The following HACD2 variants were observed in gnomAD, a reference collection of about 807,000 sequenced individuals.
The protein encoded by HACD2 is very-long-chain (3R)-3-hydroxyacyl-CoA dehydratase 2.
In HACD2, 15 loss-of-function variants were observed where a neutral mutation model predicts 31.0. The ratio of observed to expected loss-of-function variants is 0.48; its 90% CI spans 0.32 to 0.75. The LOEUF (loss-of-function observed/expected upper bound fraction) is 0.75. HACD2 is among the 30% of genes least tolerant of loss of function. The pLI is 0.03. For missense variants in HACD2, 283 were observed against 313.0 expected, an observed-to-expected ratio of 0.90 and a Z score of 0.72; for synonymous variants, 115 against 122.2, an observed-to-expected ratio of 0.94 and a Z score of 0.39.
chr3:123,548,394 T>G (rs2056583384), intron 3 of HACD2, among the ~76,000 whole-genome samples: 1 of 152,120 alleles, frequency 6.6e-6, no homozygotes, highest in Admixed American at 6.6e-5. Context: ...CAGTCCAGTC[T>G]GCAGATGACT....
chr3:123,503,657 A>C (rs900326883), intron 4 of HACD2, among the ~76,000 whole-genome samples: 3 of 151,656 alleles, frequency 2.0e-5, no homozygotes, highest in Admixed American at 6.6e-5. Flanking sequence ...TTGTGCTTGA[A>C]AATCAGCAAG....
chr3:123,580,590 C>T (rs996266014), intron 2 of HACD2, among the ~76,000 whole-genome samples: 6 of 152,066 alleles, frequency 3.9e-5, no homozygotes, highest in African/African-American at 1.2e-4. Flanking sequence ...TTGAGACCAG[C>T]CTGGGCAACA....
chr3:123,499,694 G>C, intron 6 of HACD2: 1 of 454,660 alleles, frequency 2.2e-6, no homozygotes, highest in Non-Finnish European at 4.4e-6. Flanking sequence ...AAGATTCAGA[G>C]TTACAGTGGT....
At chr3:123,570,917 TACACACACACACAC>T (rs149856963) in intron 2 of HACD2, among the ~76,000 whole-genome samples, 3 of 144,762 alleles carry the variant, frequency 2.1e-5, no homozygotes, top group African/African-American at 7.7e-5. Flanking sequence ...TTCATACCAT[TACACACACACACAC>T]ACACACACAC....
Position 123,562,128 on chromosome 3 carries a change from C to T in HACD2, c.292+5634G>A, listed in dbSNP as rs528533505. On this transcript the variant is annotated intron_variant, in intron 3 of 6. Coordinates refer to ENST00000383657, the MANE Select transcript of HACD2 (RefSeq NM_198402.5). ...CGACTGGCCTATTTTTTAAAATTCT[C>T]ATTTCTAAAAGGAAAAACACTGAAT... Among the ~76,000 whole-genome samples the T allele has an allele frequency of 3.3e-5, 5 of 152,302 alleles. No homozygotes were observed. The South Asian group carries it at 1.0e-3, about 32-fold the overall frequency.
chr3:123,517,672 G>A (rs1296259358), intron 4 of HACD2, among the ~76,000 whole-genome samples: 1 of 152,180 alleles, frequency 6.6e-6, no homozygotes, highest in Non-Finnish European at 1.5e-5. Flanking sequence ...GAGGGGAGAA[G>A]ATTTACCACT....
At chr3:123,519,265 G>A (rs1422894603) in intron 4 of HACD2, among the ~76,000 whole-genome samples, 2 of 152,052 alleles carry the variant, frequency 1.3e-5, no homozygotes, top group African/African-American at 4.8e-5. Flanking sequence ...TGTACACCAA[G>A]GCACATCTTA....
intron 3 of HACD2, among the ~76,000 whole-genome samples, chr3:123,529,196 GT>G (rs2056321399): frequency 6.6e-6 from 1 of 152,076 alleles, no homozygotes; most frequent in Admixed American, 6.6e-5. Flanking sequence ...CACCTCCCAG[GT>G]TCAAGTGATT....
intron 3 of HACD2, among the ~76,000 whole-genome samples, chr3:123,558,188 C>T (rs1212033562): frequency 6.6e-6 from 1 of 152,192 alleles, no homozygotes; most frequent in East Asian, 1.9e-4. Flanking sequence ...AGGCTGCATA[C>T]TGTATGACAT....
At chr3:123,561,850 C>T (rs944509111) in intron 3 of HACD2, among the ~76,000 whole-genome samples, 9 of 151,890 alleles carry the variant, frequency 5.9e-5, no homozygotes, top group South Asian at 4.2e-4. Context: ...CTCACTCTGT[C>T]GCCCAGGCTG....
At chr3:123,582,354 A>G in intron 1 of HACD2, 25 bp from the exon 2 acceptor site, 1 of 1,480,620 alleles carries the variant, frequency 6.8e-7, no homozygotes, top group Non-Finnish European at 9.2e-7. Context: ...AACAGCAATC[A>G]GGAAAAAATA....
At chr3:123,581,072 G>A (rs914939719) in intron 2 of HACD2, among the ~76,000 whole-genome samples, 6 of 151,910 alleles carry the variant, frequency 3.9e-5, no homozygotes, top group African/African-American at 1.2e-4. Context: ...CACCCGCCTC[G>A]GCCTCCCAGA....
rs934269449 is a variant in HACD2 at position 123,502,791 on chromosome 3, A to G, written c.382-110T>C. The G allele has an allele frequency of 2.1e-5, 24 of 1,123,528 alleles. No homozygotes were observed. In the African/African-American group the frequency reaches 3.8e-4, roughly 18 times the overall value. 69.6% of individuals were successfully genotyped at this position (1,123,528 alleles called of 1,614,324 possible). A position where few individuals can be genotyped will look rare whatever the true frequency, so the allele number is the denominator to read the frequency against. ...TGAGTCGGCACAGCCGCTGGTCTCT[A>G]TCTTCAGGACCCCTGTATGGCAGAA... On this transcript the variant is annotated intron_variant, in intron 4 of 6. Transcript: ENST00000383657.
At chr3:123,499,851 A>G (rs1234843507) in intron 6 of HACD2, among the ~76,000 whole-genome samples, 1 of 152,206 alleles carries the variant, frequency 6.6e-6, no homozygotes, top group Non-Finnish European at 1.5e-5. Context: ...CTCAGAAAGT[A>G]GGGCTCACTT....
At chr3:123,501,245 T>C (rs2055898703) in intron 5 of HACD2, among the ~76,000 whole-genome samples, 1 of 152,228 alleles carries the variant, frequency 6.6e-6, no homozygotes, top group South Asian at 2.1e-4. Context: ...AAATTCATAA[T>C]AGCTTTTGGT....
intron 3 of HACD2, among the ~76,000 whole-genome samples, chr3:123,552,574 T>C (rs1395866576): frequency 6.6e-6 from 1 of 151,812 alleles, no homozygotes; most frequent in Non-Finnish European, 1.5e-5. Context: ...CAGGAGAAAA[T>C]AGAAAAAGAA....
intron 3 of HACD2, among the ~76,000 whole-genome samples, chr3:123,532,353 GTTCAGGCCC>G (rs2056372747): frequency 2.6e-5 from 4 of 152,132 alleles, no homozygotes; most frequent in Non-Finnish European, 5.9e-5. Flanking sequence ...GCAAACAGCA[GTTCAGGCCC>G]TCACCTGACA....
rs201699440 is a variant in HACD2, at chr3:123,507,985, A to AC, written c.382-5305dup. Reference sequence around the variant, plus strand: ...AGACTAGCCTGTGCAACATAGTGAGACCCCCCCTCTCTTAAAAAAAGAAAA... The same window carrying AC: ...AGACTAGCCTGTGCAACATAGTGAGACCCCCCCCTCTCTTAAAAAAAGAAAA... On this transcript the variant is annotated intron_variant, in intron 4 of 6. Transcript: ENST00000383657. Among the ~76,000 whole-genome samples the AC allele has an allele frequency of 5.9e-3, 883 of 150,216 alleles. 10 individuals are homozygous for AC. Among genetic ancestry groups the AC allele is most frequent in the African/African-American group, 0.02 (806 of 40,902 alleles).
intron 2 of HACD2, among the ~76,000 whole-genome samples, chr3:123,581,612 T>C (rs1336810468): frequency 6.6e-6 from 1 of 152,242 alleles, no homozygotes; most frequent in Non-Finnish European, 1.5e-5. Flanking sequence ...GCTAGTTTCT[T>C]TGTAAATTAA....
Sources: gnomAD v4.1 joint callset for allele counts (sites outside exome capture counted in the v4.1 genomes callset) on GRCh38, gnomAD v4.1.1 for gene constraint, MANE v1.5 for transcripts, NCBI Gene and HGNC (gene_info 2026-07-23, HGNC 2026-07-21) for gene names.